LINGO1: variants seen among roughly 807,000 people sequenced by gnomAD.
LINGO1 encodes the protein leucine-rich repeat and immunoglobulin-like domain-containing nogo receptor-interacting protein 1.
LINGO1 carries 11 observed loss-of-function variants against 37.3 expected under a neutral mutation model. The observed-to-expected ratio is 0.29, with a 90% CI of 0.19 to 0.49. The LOEUF (loss-of-function observed/expected upper bound fraction) is 0.49, where lower values mean the gene tolerates loss of function less well. Ranked by LOEUF, LINGO1 falls within the 20% of genes least tolerant of loss-of-function variation. The pLI is 0.99. For missense variants in LINGO1, 585 were observed against 878.2 expected, an observed-to-expected ratio of 0.67 and a Z score of 4.22; for synonymous variants, 387 against 403.0, an observed-to-expected ratio of 0.96 and a Z score of 0.48.
In LINGO1 at chr15:77,799,878, C is replaced by G. The variant is rs562376263; in HGVS notation, c.-457-3825G>C. On this transcript the variant is annotated intron_variant, in intron 1 of 5. Transcript: ENST00000562933. The stretch of plus-strand genomic sequence containing the variant: ...CTTCCAGAGTTTGGCTTGGAAGACC[C>G]GCCAGCTGTGTGTGTGCCATGCCTC... 7.2e-5 allele frequency among the ~76,000 whole-genome samples: 11 copies of G among 152,246 alleles called. No individual in the cohort carries two copies. The South Asian group carries it at 2.1e-3, about 29-fold the overall frequency.
At chr15:77,782,240 C>T (rs1567581777) in intron 1 of LINGO1, among the ~76,000 whole-genome samples, 1 of 150,982 alleles carries the variant, frequency 6.6e-6, no homozygotes, top group African/African-American at 2.4e-5. Flanking sequence ...CACACACACA[C>T]ACACACGTGC....
chr15:77,658,311 G>C (rs1278328289), intron 3 of LINGO1, among the ~76,000 whole-genome samples: 1 of 152,236 alleles, frequency 6.6e-6, no homozygotes, highest in East Asian at 1.9e-4. Context: ...TTGTAGTACA[G>C]ATGGGAAACT....
intron 2 of LINGO1, among the ~76,000 whole-genome samples, chr15:77,728,192 C>T (rs923233965): frequency 5.3e-5 from 8 of 152,224 alleles, no homozygotes; most frequent in Admixed American, 2.0e-4. Context: ...TGGCGGTGAT[C>T]GATCCTGCCC....
At chr15:77,772,247 A>G (rs750332902) in intron 1 of LINGO1, among the ~76,000 whole-genome samples, 15 of 152,226 alleles carry the variant, frequency 9.9e-5, no homozygotes, top group Non-Finnish European at 1.5e-4. Flanking sequence ...CACCAGGGTC[A>G]GGCAGTGAGA....
At chr15:77,816,818 G>A (rs190366030) in intron 1 of LINGO1, among the ~76,000 whole-genome samples, 3 of 152,262 alleles carry the variant, frequency 2.0e-5, no homozygotes, top group South Asian at 2.1e-4. Flanking sequence ...CAGAAGAACC[G>A]GGGCAGGGGT....
At chr15:77,817,628 T>C (rs1441798487) in intron 1 of LINGO1, among the ~76,000 whole-genome samples, 1 of 152,092 alleles carries the variant, frequency 6.6e-6, no homozygotes, top group Non-Finnish European at 1.5e-5. Flanking sequence ...GGAGCTTTTG[T>C]TCAACTGCCT....
intron 1 of LINGO1, among the ~76,000 whole-genome samples, chr15:77,807,590 C>T (rs1226425733): frequency 6.6e-6 from 1 of 152,086 alleles, no homozygotes; most frequent in Non-Finnish European, 1.5e-5. Context: ...TCCCTGCACA[C>T]GTCTCTTCTA....
chr15:77,740,173 G>C (rs182466203), intron 1 of LINGO1, among the ~76,000 whole-genome samples: 164 of 152,344 alleles, frequency 1.1e-3, no homozygotes, highest in Middle Eastern at 0.01. Context: ...TGGTCAGGGA[G>C]GGCTTCCCTG....
At chr15:77,635,138 G>A (rs1240715919), upstream of LINGO1, among the ~76,000 whole-genome samples, 3 of 152,220 alleles carry the variant, frequency 2.0e-5, no homozygotes, top group East Asian at 5.8e-4. Flanking sequence ...GCGCCTCGGA[G>A]GCAGCAGGGA....
rs1312754515 is a variant in LINGO1, at chr15:77,632,324, C to T, written c.-9G>A. ...GCCTGGCTCACCTGCATCTCGGGCG[C>T]GCCTTCGGTCCGCTCGGCTCGGTCA... On this transcript the variant is annotated 5_prime_UTR_variant, in exon 1 of 2. Coordinates refer to ENST00000355300, the MANE Select transcript of LINGO1 (RefSeq NM_032808.7). The surrounding 1 kb of genome is among the most constrained non-coding windows in gnomAD (Gnocchi z 6.0). 4 of 1,438,454 alleles carry T rather than the reference C, an allele frequency of 2.8e-6. No homozygotes were observed. The highest frequency in any genetic ancestry group is 2.7e-6 in the Non-Finnish European group (3 of 1,096,246). 89.1% of individuals were successfully genotyped at this position (1,438,454 alleles called of 1,614,324 possible). A position where few individuals can be genotyped will look rare whatever the true frequency, so the allele number is the denominator to read the frequency against.
chr15:77,700,578 G>A (rs2075769621), upstream of LINGO1, among the ~76,000 whole-genome samples: 1 of 152,202 alleles, frequency 6.6e-6, no homozygotes, highest in Non-Finnish European at 1.5e-5. Flanking sequence ...GGCTGGTGGA[G>A]GAGGTGACTG....
At chr15:77,713,004 C>G (rs909566878) in intron 2 of LINGO1, among the ~76,000 whole-genome samples, 6 of 151,764 alleles carry the variant, frequency 4.0e-5, no homozygotes, top group African/African-American at 1.5e-4. Flanking sequence ...TTTAAAAATC[C>G]CCTTCCTTCA....
chr15:77,729,525 G>A (rs2076134655), intron 2 of LINGO1, among the ~76,000 whole-genome samples: 1 of 152,210 alleles, frequency 6.6e-6, no homozygotes, highest in Middle Eastern at 3.2e-3. Flanking sequence ...AGGGGCTGTG[G>A]CCCAGTGGTC....
At chr15:77,765,694 G>A (rs910842365) in intron 1 of LINGO1, among the ~76,000 whole-genome samples, 2 of 152,092 alleles carry the variant, frequency 1.3e-5, no homozygotes, top group African/African-American at 2.4e-5. Flanking sequence ...TGGAGAGTGG[G>A]GACCCATACT....
At chr15:77,687,842 G>C (rs1296398759) in intron 2 of LINGO1, among the ~76,000 whole-genome samples, 1 of 152,240 alleles carries the variant, frequency 6.6e-6, no homozygotes, top group East Asian at 1.9e-4. Context: ...TCCCGTCACA[G>C]GGCCTGAAAT....
Position 77,675,563 on chromosome 15 carries a change from G to A in LINGO1, c.-13+1526C>T, listed in dbSNP as rs145030772. 6.5e-3 allele frequency among the ~76,000 whole-genome samples: 988 copies of A among 152,194 alleles called. 19 individuals carry two copies. The highest frequency in any genetic ancestry group is 0.022 in the African/African-American group (895 of 41,524). ...GCCCATGTTTTTCCTTTTAAAATACGTTGATAAGTACATAGAAAAAAGTGT... is the reference window on the plus strand; with the variant it reads ...GCCCATGTTTTTCCTTTTAAAATACATTGATAAGTACATAGAAAAAAGTGT... On this transcript the variant is annotated intron_variant, in intron 3 of 3. Transcript: ENST00000559893.
At chr15:77,793,697 A>G (rs1436108591) in intron 2 of LINGO1, among the ~76,000 whole-genome samples, 6 of 152,234 alleles carry the variant, frequency 3.9e-5, no homozygotes, top group African/African-American at 1.4e-4. Flanking sequence ...GAAACATTAC[A>G]CTGCCATTAA....
chr15:77,792,749 CA>C (rs1360370023), intron 2 of LINGO1, among the ~76,000 whole-genome samples: 2 of 152,226 alleles, frequency 1.3e-5, no homozygotes, highest in East Asian at 3.8e-4. Flanking sequence ...TCTATGAGGG[CA>C]ATGCCATGGT....
chr15:77,671,473 A>G lies in LINGO1; in HGVS notation c.-13+5616T>C, dbSNP rs1365276282. ...CAACACAGTGATGACGCAGTTGGGC[A>G]GCCGGTTACCTTCAGACACATGATG... On this transcript the variant is annotated intron_variant, in intron 3 of 3. Coordinates refer to the LINGO1 transcript ENST00000559893. Among the ~76,000 whole-genome samples, 5 of 152,360 alleles carry G rather than the reference A, an allele frequency of 3.3e-5. No individual in the cohort carries two copies. The South Asian group carries it at 8.3e-4, about 25-fold the overall frequency.
Sources: gnomAD v4.1 joint callset for allele counts (sites outside exome capture counted in the v4.1 genomes callset) on GRCh38, gnomAD v4.1.1 for gene constraint, Gnocchi (gnomAD v3.1) non-coding constraint, MANE v1.5 for transcripts, NCBI Gene and HGNC (gene_info 2026-07-23, HGNC 2026-07-21) for gene names.